The following OR2L13 variants were observed in gnomAD, a reference collection of about 807,000 sequenced individuals.
OR2L13 encodes olfactory receptor family 2 subfamily L member 13.
OR2L13 carries 14 observed loss-of-function variants against 15.3 expected under a neutral mutation model. That is an observed-to-expected ratio of 0.91 (90% CI 0.60 to 1.43). The LOEUF (loss-of-function observed/expected upper bound fraction) is 1.43. OR2L13 is among the 40% of genes most tolerant of loss of function. The probability of loss-of-function intolerance (pLI) is 0.00; values close to 1 mark genes in which losing one functional copy is unlikely to be tolerated. For synonymous variants in OR2L13, 152 were observed against 142.9 expected (o/e 1.06, Z -0.45); for missense variants, 367 against 387.9 (o/e 0.95, Z 0.45).
chr1:248,030,792 G>A, the OR2L13 span, among the ~76,000 whole-genome samples: 1 of 152,092 alleles, frequency 6.6e-6, no homozygotes, highest in African/African-American at 2.4e-5. Context: ...TAAAACCAAT[G>A]GAATCACGGA....
At chr1:247,992,246 C>G in the OR2L13 span, among the ~76,000 whole-genome samples, 1 of 151,054 alleles carries the variant, frequency 6.6e-6, no homozygotes, top group African/African-American at 2.4e-5. Context: ...CTAGCTTACT[C>G]TACTGTAAGA....
At chr1:248,057,064 G>A in the OR2L13 span, among the ~76,000 whole-genome samples, 3 of 152,020 alleles carry the variant, frequency 2.0e-5, no homozygotes, top group East Asian at 3.9e-4. Flanking sequence ...CCAATTATGC[G>A]ATAGTTTTAG....
the OR2L13 span, among the ~76,000 whole-genome samples, chr1:248,015,280 CTA>C: frequency 6.6e-6 from 1 of 152,114 alleles, no homozygotes; most frequent in Non-Finnish European, 1.5e-5. Context: ...TTAGGAGAAT[CTA>C]TTGTGGAGGA....
the OR2L13 span, among the ~76,000 whole-genome samples, chr1:248,086,904 GTCTT>G: frequency 9.4e-4 from 141 of 150,172 alleles, no homozygotes; most frequent in African/African-American, 3.3e-3. Flanking sequence ...ATTTCTATTT[GTCTT>G]TCTTAGCTCT....
chr1:248,099,828 G>A (rs1368344449), exon 3 of OR2L13: 1 of 1,613,968 alleles, frequency 6.2e-7, no homozygotes, highest in Non-Finnish European at 8.5e-7. Context: ...GGACACTGGG[G>A]TCCATCAACT....
chr1:248,089,933 G>A, the OR2L13 span, among the ~76,000 whole-genome samples: 1 of 152,156 alleles, frequency 6.6e-6, no homozygotes, highest in Admixed American at 6.6e-5. Flanking sequence ...TCCCTATGAT[G>A]TGTGGGCCCC....
At chr1:247,974,815 TC>T in the OR2L13 span, 1 of 233,932 alleles carries the variant, frequency 4.3e-6, no homozygotes, top group Non-Finnish European at 9.8e-6. Flanking sequence ...ATTGGCTTTC[TC>T]CTCTTCATTC....
upstream of OR2L13, among the ~76,000 whole-genome samples, chr1:248,096,632 G>A (rs929565181): frequency 6.6e-6 from 1 of 152,196 alleles, no homozygotes; most frequent in Non-Finnish European, 1.5e-5. Context: ...ACGTTGTTGA[G>A]ATTGAGGGAG....
chr1:247,992,872 TG>T, the OR2L13 span, among the ~76,000 whole-genome samples: 20 of 103,820 alleles, frequency 1.9e-4, 1 homozygote, highest in South Asian at 2.7e-3. Context: ...AATGATTTTG[TG>T]TGTGTGTGTG....
At chr1:248,079,771 T>G in the OR2L13 span, among the ~76,000 whole-genome samples, 8 of 152,186 alleles carry the variant, frequency 5.3e-5, no homozygotes, top group African/African-American at 1.9e-4. Flanking sequence ...GGAAAAGAAT[T>G]ACAATGTTAG....
At chr1:247,940,380 T>C in the OR2L13 span, among the ~76,000 whole-genome samples, 1 of 152,196 alleles carries the variant, frequency 6.6e-6, no homozygotes, top group African/African-American at 2.4e-5. Context: ...TAGAAAAACA[T>C]TTTAATGAGG....
chr1:248,007,644 G>A, the OR2L13 span, among the ~76,000 whole-genome samples: 7 of 152,066 alleles, frequency 4.6e-5, no homozygotes, highest in African/African-American at 1.2e-4. Flanking sequence ...CCTCTTCCTC[G>A]TTTTAGCCAT....
At chr1:248,091,275 CT>C (rs139440233), upstream of OR2L13, among the ~76,000 whole-genome samples, 3,116 of 152,182 alleles carry the variant, frequency 0.02, 107 homozygotes, top group African/African-American at 0.07. Context: ...TATGCAAGAG[CT>C]CTTTAATTTA....
chr1:248,054,258 A>G, the OR2L13 span, among the ~76,000 whole-genome samples: 2 of 152,116 alleles, frequency 1.3e-5, no homozygotes, highest in Non-Finnish European at 2.9e-5. Context: ...GTTGAAGATC[A>G]GATGGTTGTA....
chr1:247,940,306 G>T, the OR2L13 span, among the ~76,000 whole-genome samples: 2 of 151,956 alleles, frequency 1.3e-5, no homozygotes, highest in South Asian at 4.2e-4. Flanking sequence ...AAAAGTTATT[G>T]CAAAGAGAAA....
the OR2L13 span, among the ~76,000 whole-genome samples, chr1:247,952,523 A>G: frequency 4.6e-5 from 7 of 152,152 alleles, no homozygotes; most frequent in Admixed American, 3.9e-4. Context: ...CTATGATGTC[A>G]TAGAAGCCAC....
the OR2L13 span, among the ~76,000 whole-genome samples, chr1:248,009,083 C>T: frequency 9.2e-5 from 14 of 151,900 alleles, no homozygotes; most frequent in East Asian, 3.9e-4. Context: ...CATCAGAAAG[C>T]GGGAAAAATC....
the OR2L13 span, chr1:248,083,416 A>T: frequency 4.0e-6 from 2 of 495,778 alleles, no homozygotes; most frequent in Non-Finnish European, 3.6e-6. Flanking sequence ...TTGTTTTAGG[A>T]TACAAAGTAA....
chr1:248,081,005 T>A, the OR2L13 span, among the ~76,000 whole-genome samples: 1 of 152,184 alleles, frequency 6.6e-6, no homozygotes, highest in Admixed American at 6.5e-5. Context: ...TACTCCTTCT[T>A]TAACTTAGAG....
Sources: gnomAD v4.1 joint callset for allele counts (sites outside exome capture counted in the v4.1 genomes callset) on GRCh38, gnomAD v4.1.1 for gene constraint, MANE v1.5 for transcripts, NCBI Gene and HGNC (gene_info 2026-07-23, HGNC 2026-07-21) for gene names.